ELF4: variants seen among roughly 807,000 people sequenced by gnomAD.
ELF4 encodes E74 like ETS transcription factor 4.
A neutral mutation model predicts 31.7 loss-of-function variants in ELF4; 10 were observed. The ratio of observed to expected loss-of-function variants is 0.32; its 90% confidence interval spans 0.19 to 0.54. The LOEUF is 0.54. Among genes scored for constraint, ELF4 ranks in the 20% least tolerant of loss-of-function variants. The probability of loss-of-function intolerance (pLI) is 0.95; values close to 1 mark genes in which losing one functional copy is unlikely to be tolerated. For synonymous variants in ELF4, 208 were observed against 226.7 expected, an observed-to-expected ratio of 0.92 and a Z score of 0.74; for missense variants, 418 against 522.0, an observed-to-expected ratio of 0.80 and a Z score of 1.94.
At chrX:130,102,884 GAGAAAGAAAGAA>G (rs1174320321) in intron 1 of ELF4, among the ~76,000 whole-genome samples, 5 of 43,744 alleles carry the variant, frequency 1.1e-4, no homozygotes, top group Non-Finnish European at 1.9e-4. Context: ...GAGAGAGAGA[GAGAAAGAAAGAA>G]AGAAAGAAAG....
In ELF4 at chrX:130,071,150, C is replaced by G. The variant is rs917495803; in HGVS notation, c.699G>C (p.Gln233His). Reference sequence around the variant, plus strand: ...CCAGTTTGAAGATGCCTTTCTCTCGCTGGGTCCACTTGATGTACTTGGGAC... The same window carrying G: ...CCAGTTTGAAGATGCCTTTCTCTCGGTGGGTCCACTTGATGTACTTGGGAC... ...NTCPKYIKWTQREKGIFKLVD... is the reference protein window; with the variant it reads ...NTCPKYIKWTHREKGIFKLVD... Residue 233 changes from glutamine to histidine, a missense_variant, in exon 7 of 9, where the codon CAG becomes CAC. Around this residue, in one of 4 missense-constraint regions of ELF4, gnomAD observed 35 missense variants for 84.0 expected, o/e 0.42. Transcript: ENST00000308167. 8.3e-7 allele frequency: 1 copy of G among 1,211,916 alleles called. No homozygotes were observed. The highest frequency in any genetic ancestry group is 1.1e-6 in the Non-Finnish European group (1 of 895,625).
intron 1 of ELF4, among the ~76,000 whole-genome samples, chrX:130,083,192 C>T (rs1273049187): frequency 1.9e-5 from 2 of 105,682 alleles, no homozygotes; most frequent in African/African-American, 7.0e-5. Context: ...TCCCTTTGGA[C>T]GAGTGAGAGG....
rs778785643 is a variant in ELF4 at position 130,066,132 on chromosome X, A to G, written c.*589T>C. On this transcript the variant is annotated 3_prime_UTR_variant, in exon 9 of 9. Coordinates refer to ENST00000308167, the MANE Select transcript of ELF4 (RefSeq NM_001421.4). ...ATTCGGAGGATCAAACTTGTACCCC[A>G]TAGTCTCAGAGCAACTGAATCTCGG... is the stretch of plus-strand genomic sequence containing the variant. The G allele has an allele frequency of 1.9e-4, 33 of 174,291 alleles. No individual in the cohort carries two copies. Among genetic ancestry groups the G allele is most frequent in the Non-Finnish European group, 3.5e-4 (32 of 91,570 alleles). 14.4% of individuals were successfully genotyped at this position (174,291 alleles called of 1,213,427 possible).
intron 1 of ELF4, among the ~76,000 whole-genome samples, chrX:130,104,277 TACACACACACAC>T (rs61193112): frequency 1.9e-4 from 16 of 86,421 alleles, no homozygotes; most frequent in Admixed American, 4.0e-4. Flanking sequence ...TTCAGTATAT[TACACACACACAC>T]ACACACACAC....
intron 1 of ELF4, among the ~76,000 whole-genome samples, chrX:130,098,200 G>A (rs909142426): frequency 4.5e-5 from 5 of 112,004 alleles, no homozygotes; most frequent in Admixed American, 1.9e-4. Flanking sequence ...AGCGAAACCT[G>A]AATATTCATA....
chrX:130,111,571 C>T (rs916124605), upstream of ELF4, among the ~76,000 whole-genome samples: 1 of 112,144 alleles, frequency 8.9e-6, no homozygotes, highest in Non-Finnish European at 1.9e-5. Flanking sequence ...TCGGCGACTT[C>T]TTAGGGAAGT....
chrX:130,087,034 C>T (rs1932972346), intron 1 of ELF4, among the ~76,000 whole-genome samples: 1 of 112,458 alleles, frequency 8.9e-6, no homozygotes, highest in African/African-American at 3.2e-5. Context: ...TACAGAAGCC[C>T]CATAGGGGAG....
At chrX:130,093,706 C>T (rs931244805) in intron 1 of ELF4, among the ~76,000 whole-genome samples, 1 of 112,025 alleles carries the variant, frequency 8.9e-6, no homozygotes, top group Non-Finnish European at 1.9e-5. Context: ...AGCCTTGCTG[C>T]CTGGTTCGGG....
Position 130,070,787 on chromosome X carries a change from A to AAAAAG in ELF4, c.809+252_809+253insCTTTT, listed in dbSNP as rs1556186609. ...ACTCCATCTCAAAAAAAAAAAAAAA[A>AAAAAG]AAAGAAAGAAAGAAAGAAAGAAAGA... On this transcript the variant is annotated intron_variant, in intron 7 of 8. Coordinates refer to ENST00000308167, the MANE Select transcript of ELF4 (RefSeq NM_001421.4). Among the ~76,000 whole-genome samples, 397 of 92,562 alleles carry AAAAAG rather than the reference A, an allele frequency of 4.3e-3. 1 individual carries two copies. The highest frequency in any genetic ancestry group is 6.3e-3 in the Non-Finnish European group (307 of 48,642). The allele number at this position is 92,562 out of a possible 115,157, so 80.4% of individuals were successfully genotyped here.
intron 1 of ELF4, among the ~76,000 whole-genome samples, chrX:130,085,993 A>G (rs922393709): frequency 6.3e-5 from 7 of 111,952 alleles, no homozygotes; most frequent in African/African-American, 2.3e-4. Context: ...GACTATATCC[A>G]GTCTGTAGTC....
In ELF4 at chrX:130,064,744, T is replaced by G. The variant is rs770464343; in HGVS notation, c.*1977A>C. The G allele has an allele frequency of 6.4e-5, 8 of 125,427 alleles. No homozygotes were observed. The Admixed American group carries it at 7.4e-4, about 12-fold the overall frequency. The allele number at this position is 125,427 out of a possible 1,213,427, so 10.3% of individuals were successfully genotyped here. ...GGCCCGAGAACTGTGAAGAAGACAT[T>G]TGATTTCACCATGAGGTCATTGATG... On this transcript the variant is annotated 3_prime_UTR_variant, in exon 9 of 9. Coordinates refer to ENST00000308167, the MANE Select transcript of ELF4 (RefSeq NM_001421.4).
intron 4 of ELF4, among the ~76,000 whole-genome samples, chrX:130,073,800 C>T (rs1932809124): frequency 8.9e-6 from 1 of 112,951 alleles, no homozygotes; most frequent in Non-Finnish European, 1.9e-5. Flanking sequence ...GCGTGAGCCA[C>T]CGTGCCTGGC....
chrX:130,102,918 GAA>G (rs1301635073), intron 1 of ELF4, among the ~76,000 whole-genome samples: 3 of 105,073 alleles, frequency 2.9e-5, no homozygotes, highest in Non-Finnish European at 5.9e-5. Flanking sequence ...AAGAAAGAAA[GAA>G]AGAGAGAGAA....
rs371211474 is a variant in ELF4 at position 130,085,274 on chromosome X, T to G, written c.-209-3735A>C. Among the ~76,000 whole-genome samples, 3 of 111,776 alleles carry G rather than the reference T, an allele frequency of 2.7e-5. No homozygotes were observed. In the East Asian group the frequency reaches 8.4e-4, roughly 31 times the overall value. ...TTGCGAGAAAGTATGTGCCCCTGGG[T>G]GCCCTCTGAGTGTATGGACCTTAAG... On this transcript the variant is annotated intron_variant, in intron 1 of 8. Coordinates refer to ENST00000308167, the MANE Select transcript of ELF4 (RefSeq NM_001421.4).
Position 130,081,405 on chromosome X carries a change from A to G in ELF4, c.-75T>C. The G allele has an allele frequency of 9.6e-7, 1 of 1,039,197 alleles. No homozygotes were observed. The highest frequency in any genetic ancestry group is 3.0e-5 in the East Asian group (1 of 33,081). The allele number at this position is 1,039,197 out of a possible 1,213,427, so 85.6% of individuals were successfully genotyped here. On this transcript the variant is annotated 5_prime_UTR_variant, in exon 2 of 9. Coordinates refer to ENST00000308167, the MANE Select transcript of ELF4 (RefSeq NM_001421.4). ...TGTGGGGCTTTCTTGATGAAGGGAC[A>G]ATACCCAGGTACTTTGGAGCCTAGA...
At chrX:130,070,957 G>GA (rs1367138896) in intron 7 of ELF4, 83 bp downstream of exon 7, 8 of 1,155,881 alleles carry the variant, frequency 6.9e-6, no homozygotes, top group Non-Finnish European at 9.4e-6. Context: ...AGGTCTCCAT[G>GA]AAAGCGAGGA....
intron 1 of ELF4, among the ~76,000 whole-genome samples, chrX:130,095,511 A>C (rs1037192066): frequency 9.0e-6 from 1 of 111,588 alleles, no homozygotes; most frequent in Non-Finnish European, 1.9e-5. Context: ...AGGCTGGCTC[A>C]CAGCTCTCCA....
rs187562145 is a variant in ELF4 at position 130,078,951 on chromosome X, C to A, written c.75+2305G>T. Among the ~76,000 whole-genome samples the A allele has an allele frequency of 6.5e-3, 711 of 109,472 alleles. 8 individuals carry two copies. Among genetic ancestry groups the A allele is most frequent in the African/African-American group, 0.023 (677 of 29,984 alleles). ...TCCATCCTGGGTGACAGAGTGAGAC[C>A]CTGTCAAAAAAAGAAAGAAGGAAAG... On this transcript the variant is annotated intron_variant, in intron 2 of 8. Transcript: ENST00000308167.
intron 1 of ELF4, among the ~76,000 whole-genome samples, chrX:130,101,701 A>G (rs1933257819): frequency 1.8e-5 from 2 of 110,620 alleles, no homozygotes; most frequent in Admixed American, 9.8e-5. Context: ...CGGGAGGCTG[A>G]GGCAGGAGAA....
Sources: gnomAD v4.1 joint callset for allele counts (sites outside exome capture counted in the v4.1 genomes callset) on GRCh38, gnomAD v4.1.1 for gene constraint, gnomAD v4.1.1 regional missense constraint, MANE v1.5 for transcripts, NCBI Gene and HGNC (gene_info 2026-07-23, HGNC 2026-07-21) for gene names.